The following RIN2 variants were observed in gnomAD, a reference collection of about 807,000 sequenced individuals.
The protein encoded by RIN2 is RAB5 interacting protein 2.
In RIN2, 36 loss-of-function variants were observed where a neutral mutation model predicts 78.0. The ratio of observed to expected loss-of-function variants is 0.46; its 90% CI spans 0.35 to 0.61. The LOEUF (loss-of-function observed/expected upper bound fraction) is 0.61, where lower values mean the gene tolerates loss of function less well. RIN2 is among the 20% of genes least tolerant of loss of function. The probability of loss-of-function intolerance (pLI) is 0.00; values close to 1 mark genes in which losing one functional copy is unlikely to be tolerated. For synonymous variants in RIN2, 466 were observed against 466.8 expected (o/e 1.00, Z 0.02); for missense variants, 1,087 against 1,159.7 (o/e 0.94, Z 0.91).
Position 19,990,108 on chromosome 20 carries a change from A to G in RIN2, c.1865A>G (p.Lys622Arg). ...KDFHMADGSW[K>R]QLKENLQLVR... is the part of the protein sequence containing the mutation. ...TTTCACATGGCCGATGGCTCATGGA[A>G]GCAACTCAAGGAGAACCTGCAGCTT... Residue 622 changes from lysine to arginine, a missense_variant, in exon 10 of 13, where the codon AAG (lysine) becomes AGG (arginine). Coordinates refer to ENST00000255006, the MANE Select transcript of RIN2 (RefSeq NM_018993.4). The G allele has an allele frequency of 6.2e-7, 1 of 1,601,270 alleles. No individual in the cohort carries two copies.
chr20:19,840,085 C>T (rs1465572116), intron 2 of RIN2, among the ~76,000 whole-genome samples: 1 of 152,202 alleles, frequency 6.6e-6, no homozygotes, highest in African/African-American at 2.4e-5. Flanking sequence ...CTTCTTCCAG[C>T]TTTATTGTAT....
chr20:19,884,073 A>T (rs2123455193), intron 2 of RIN2, among the ~76,000 whole-genome samples: 1 of 148,498 alleles, frequency 6.7e-6, no homozygotes, highest in African/African-American at 2.5e-5. Context: ...AGTGCTTGGG[A>T]TTATAGGCAT....
At chr20:19,774,814 G>A (rs1333735378) in intron 1 of RIN2, among the ~76,000 whole-genome samples, 8 of 152,222 alleles carry the variant, frequency 5.3e-5, no homozygotes, top group Admixed American at 3.9e-4. Flanking sequence ...GCATTTCAGT[G>A]GAGCAAGAGT....
chr20:19,935,035 G>A lies in RIN2; in HGVS notation c.58-64G>A, dbSNP rs191586544. The A allele has an allele frequency of 4.0e-4, 488 of 1,214,740 alleles. 2 individuals carry two copies. In the African/African-American group the frequency reaches 6.1e-3, roughly 15 times the overall value. The allele number at this position is 1,214,740 out of a possible 1,614,324, so 75.2% of individuals were successfully genotyped here. A position where few individuals can be genotyped will look rare whatever the true frequency, so the allele number is the denominator to read the frequency against. On this transcript the variant is annotated intron_variant, in intron 3 of 12. Coordinates refer to ENST00000255006, the MANE Select transcript of RIN2 (RefSeq NM_018993.4). ...TCCTATTGAAAAGCCTGAGTTCCCC[G>A]GGCGCTGTGGGCATGCCACGCCTCT... is the stretch of plus-strand genomic sequence containing the variant.
chr20:19,819,767 C>T (rs1267328550), intron 2 of RIN2, among the ~76,000 whole-genome samples: 1 of 152,174 alleles, frequency 6.6e-6, no homozygotes, highest in African/African-American at 2.4e-5. Flanking sequence ...CCCCTGAGCT[C>T]AAATGATCCT....
chr20:19,965,700 C>T (rs1408007393), intron 7 of RIN2, among the ~76,000 whole-genome samples: 2 of 152,334 alleles, frequency 1.3e-5, no homozygotes, highest in East Asian at 1.9e-4. Context: ...CAACCTCTGC[C>T]TCCTGGGATC....
chr20:19,966,142 G>A (rs180948379), intron 7 of RIN2, among the ~76,000 whole-genome samples: 3 of 152,264 alleles, frequency 2.0e-5, no homozygotes, highest in Non-Finnish European at 4.4e-5. Context: ...AGCTGATATG[G>A]CAGAGACAGG....
chr20:19,825,992 T>C (rs2036077763), intron 2 of RIN2, among the ~76,000 whole-genome samples: 1 of 152,260 alleles, frequency 6.6e-6, no homozygotes, highest in African/African-American at 2.4e-5. Context: ...CATTTTGTGA[T>C]AATTTTATTT....
chr20:19,769,907 C>T (rs2034046724), intron 1 of RIN2, among the ~76,000 whole-genome samples: 1 of 152,014 alleles, frequency 6.6e-6, no homozygotes, highest in African/African-American at 2.4e-5. Flanking sequence ...AATCAATAAA[C>T]AATAAAAATA....
chr20:19,884,447 TTAA>T (rs2038118759), intron 2 of RIN2, among the ~76,000 whole-genome samples: 1 of 152,056 alleles, frequency 6.6e-6, no homozygotes, highest in Admixed American at 6.6e-5. Context: ...AAAATTAAAA[TTAA>T]AACACTGTTG....
At chr20:19,885,484 G>A (rs1291849766) in intron 2 of RIN2, among the ~76,000 whole-genome samples, 1 of 152,026 alleles carries the variant, frequency 6.6e-6, no homozygotes, top group East Asian at 1.9e-4. Flanking sequence ...TGGCCAACAT[G>A]GTAAAACCCC....
chr20:19,835,144 G>GAGGA (rs149867906), intron 2 of RIN2, among the ~76,000 whole-genome samples: 118,638 of 148,362 alleles, frequency 0.8, 48,102 homozygotes, highest in East Asian at 1. Flanking sequence ...GGAAGGGAGG[G>GAGGA]AGGAAGGAAG....
intron 3 of RIN2, among the ~76,000 whole-genome samples, chr20:19,896,405 G>A (rs987635585): frequency 6.6e-6 from 1 of 152,168 alleles, no homozygotes; most frequent in South Asian, 2.1e-4. Flanking sequence ...GGCCAGGCTG[G>A]CCTCCAACTC....
chr20:19,916,629 C>T (rs2039695788), intron 3 of RIN2, among the ~76,000 whole-genome samples: 1 of 152,168 alleles, frequency 6.6e-6, no homozygotes, highest in Admixed American at 6.5e-5. Flanking sequence ...GTTTTGCAGA[C>T]CACTGCTCCC....
At chr20:19,833,908 G>T (rs1240391036) in intron 2 of RIN2, among the ~76,000 whole-genome samples, 1 of 152,128 alleles carries the variant, frequency 6.6e-6, no homozygotes, top group Admixed American at 6.5e-5. Context: ...TTGGCATCCT[G>T]CTGAGGTCCC....
At chr20:19,757,913 G>C (rs1414648004), upstream of RIN2, 2 of 152,456 alleles carry the variant, frequency 1.3e-5, no homozygotes, top group Non-Finnish European at 2.9e-5. Context: ...GTTTTTCCTG[G>C]TTGCAGCCTG....
chr20:19,938,663 T>C (rs1005217577), intron 4 of RIN2, among the ~76,000 whole-genome samples: 2 of 152,212 alleles, frequency 1.3e-5, no homozygotes, highest in Admixed American at 6.5e-5. Flanking sequence ...CACAGTGTTG[T>C]TGGGAAGATT....
intron 1 of RIN2, among the ~76,000 whole-genome samples, chr20:19,782,555 TAA>T (rs781338372): frequency 4.3e-4 from 58 of 134,828 alleles, no homozygotes; most frequent in Admixed American, 5.2e-4. Flanking sequence ...GACTCTGTCT[TAA>T]AAAAAAAAAA....
Position 19,964,943 on chromosome 20 carries a change from C to G in RIN2, c.464-9C>G, listed in dbSNP as rs976447899. ...GAGAATCAGCTGGTTTCTGAAATCT[C>G]TTTTCCAGCCTTTTCCCTGGAAGGC... On this transcript the variant is annotated splice_polypyrimidine_tract_variant and intron_variant, in intron 6 of 12. Transcript: ENST00000255006. The G allele has an allele frequency of 4.3e-6, 7 of 1,612,972 alleles. No individual in the cohort carries two copies. The highest frequency in any genetic ancestry group is 5.9e-6 in the Non-Finnish European group (7 of 1,179,400).
Sources: allele counts gnomAD v4.1 joint callset (sites outside exome capture counted in the v4.1 genomes callset), GRCh38; gene constraint gnomAD v4.1.1; transcripts MANE v1.5; gene names NCBI Gene and HGNC (gene_info 2026-07-23, HGNC 2026-07-21).